FOXP2: variants seen among roughly 807,000 people sequenced by gnomAD.
FOXP2 encodes the protein forkhead box P2, also known as forkhead box protein P2.
FOXP2 carries 12 observed loss-of-function variants against 115.8 expected under a neutral mutation model. The observed-to-expected ratio is 0.10, with a 90% CI of 0.07 to 0.17. FOXP2 has a LOEUF of 0.17. Among genes scored for constraint, FOXP2 ranks in the 10% least tolerant of loss-of-function variants. FOXP2 has a pLI of 1.00. For synonymous variants in FOXP2, 328 were observed against 297.7 expected (o/e 1.10, Z -1.05); for missense variants, 629 against 843.5 (o/e 0.75, Z 3.15).
intron 16 of FOXP2, among the ~76,000 whole-genome samples, chr7:114,677,598 T>C (rs189414302): frequency 3.6e-4 from 55 of 152,262 alleles, no homozygotes; most frequent in African/African-American, 1.3e-3. Flanking sequence ...ACTGTTTGCT[T>C]TGGGGTATAG....
At chr7:114,532,759 C>G (rs1799200205) in intron 2 of FOXP2, among the ~76,000 whole-genome samples, 1 of 150,614 alleles carries the variant, frequency 6.6e-6, no homozygotes, top group South Asian at 2.1e-4. Flanking sequence ...CTCATCAACT[C>G]GAAAAGAAAA....
At chr7:114,444,054 C>T (rs546556064) in intron 2 of FOXP2, among the ~76,000 whole-genome samples, 4 of 152,188 alleles carry the variant, frequency 2.6e-5, no homozygotes, top group South Asian at 4.1e-4. Context: ...TTTTTACTCA[C>T]GTTTTAAATC....
At chr7:114,492,244 G>T (rs1222029492) in intron 2 of FOXP2, among the ~76,000 whole-genome samples, 2 of 152,128 alleles carry the variant, frequency 1.3e-5, no homozygotes, top group African/African-American at 2.4e-5. Context: ...ATTTCTGTGG[G>T]ATCGGTGGTG....
At chr7:114,343,804 A>C (rs904715252) in intron 2 of FOXP2, among the ~76,000 whole-genome samples, 3 of 151,672 alleles carry the variant, frequency 2.0e-5, no homozygotes, top group African/African-American at 7.3e-5. Flanking sequence ...CATTTTACTT[A>C]AAAATACAGT....
At chr7:114,570,526 T>C (rs1047953631) in intron 3 of FOXP2, among the ~76,000 whole-genome samples, 2 of 151,874 alleles carry the variant, frequency 1.3e-5, no homozygotes, top group African/African-American at 2.4e-5. Context: ...AAGTGGGAAG[T>C]AAGGTTCCTA....
At chr7:114,098,076 A>G (rs904299086) in intron 1 of FOXP2, among the ~76,000 whole-genome samples, 3 of 152,230 alleles carry the variant, frequency 2.0e-5, no homozygotes, top group African/African-American at 7.2e-5. Flanking sequence ...GGGGATAACA[A>G]GAGAGGTAAA....
At chr7:114,684,670 A>T (rs188383250) in intron 16 of FOXP2, among the ~76,000 whole-genome samples, 11 of 152,312 alleles carry the variant, frequency 7.2e-5, no homozygotes, top group Middle Eastern at 3.4e-3. Flanking sequence ...CATTCTCTAA[A>T]ATGTTCTGAA....
At chr7:114,686,189 T>C (rs80195927) in intron 16 of FOXP2, among the ~76,000 whole-genome samples, 2 of 152,076 alleles carry the variant, frequency 1.3e-5, no homozygotes, top group African/African-American at 4.8e-5. Flanking sequence ...TTTTTTTTTT[T>C]TGAGATGGAG....
chr7:114,279,126 A>G (rs751928554), intron 1 of FOXP2, among the ~76,000 whole-genome samples: 5 of 152,216 alleles, frequency 3.3e-5, no homozygotes, highest in Non-Finnish European at 7.4e-5. Context: ...AAATTGCTTT[A>G]ATATTAATTC....
At chr7:114,561,545 CTT>C (rs1800758909) in intron 3 of FOXP2, 2 of 152,138 alleles carry the variant, frequency 1.3e-5, no homozygotes, top group Admixed American at 1.3e-4. Context: ...AATTTCTTCT[CTT>C]AAGGAAATAG....
intron 1 of FOXP2, among the ~76,000 whole-genome samples, chr7:114,178,118 C>A (rs1276027925): frequency 6.6e-6 from 1 of 151,798 alleles, no homozygotes; most frequent in Non-Finnish European, 1.5e-5. Context: ...AGCTTAATAA[C>A]AATTTGTAGG....
At chr7:114,244,973 A>G (rs1420257514) in intron 1 of FOXP2, among the ~76,000 whole-genome samples, 2 of 152,142 alleles carry the variant, frequency 1.3e-5, no homozygotes, top group Admixed American at 6.5e-5. Context: ...CGTGTTAGCC[A>G]GGATGGTCTC....
At chr7:114,443,837 G>A (rs1045499534) in intron 2 of FOXP2, among the ~76,000 whole-genome samples, 5 of 152,078 alleles carry the variant, frequency 3.3e-5, no homozygotes, top group African/African-American at 1.2e-4. Context: ...GGGCATTTAG[G>A]TTGATTCCAT....
chr7:114,167,762 C>T (rs1793021370), intron 1 of FOXP2, among the ~76,000 whole-genome samples: 1 of 151,946 alleles, frequency 6.6e-6, no homozygotes, highest in African/African-American at 2.4e-5. Flanking sequence ...TGGTGAAACC[C>T]TGTCTCTACT....
chr7:114,601,657 C>A (rs117171448), intron 3 of FOXP2, among the ~76,000 whole-genome samples: 1 of 151,954 alleles, frequency 6.6e-6, no homozygotes, highest in Non-Finnish European at 1.5e-5. Context: ...TTAGCTTTAT[C>A]CTACAACTTG....
chr7:114,673,953 C>T (rs1003934850), intron 16 of FOXP2, among the ~76,000 whole-genome samples: 4 of 152,140 alleles, frequency 2.6e-5, no homozygotes, highest in Non-Finnish European at 2.9e-5. Context: ...CCACCCGCCT[C>T]GACCTCCCAA....
At chr7:114,660,237 C>T (rs1180509836) in intron 13 of FOXP2, among the ~76,000 whole-genome samples, 1 of 152,182 alleles carries the variant, frequency 6.6e-6, no homozygotes, top group Non-Finnish European at 1.5e-5. Context: ...GTCCAAACAA[C>T]TTCATTGTCT....
chr7:114,570,845 C>T (rs377158352), intron 3 of FOXP2: 2 of 1,611,928 alleles, frequency 1.2e-6, no homozygotes, highest in African/African-American at 2.7e-5. Context: ...TCTGTGGCCA[C>T]TCTTCTGGTG....
At chr7:114,667,066 C>T (rs1807201465) in intron 16 of FOXP2, 1 of 152,116 alleles carries the variant, frequency 6.6e-6, no homozygotes, top group Admixed American at 6.6e-5. Context: ...TAGTCATTGA[C>T]AATCCATTTT....
Sources: gnomAD v4.1 joint callset for allele counts (sites outside exome capture counted in the v4.1 genomes callset) on GRCh38, gnomAD v4.1.1 for gene constraint, MANE v1.5 for transcripts, NCBI Gene and HGNC (gene_info 2026-07-23, HGNC 2026-07-21) for gene names.